The following GRM3 variants were observed in gnomAD, a reference collection of about 807,000 sequenced individuals.
GRM3 encodes the protein glutamate metabotropic receptor 3.
GRM3 carries 26 observed loss-of-function variants against 70.5 expected under a neutral mutation model. The ratio of observed to expected loss-of-function variants is 0.37; its 90% CI spans 0.27 to 0.51. The LOEUF (loss-of-function observed/expected upper bound fraction) is 0.51. Ranked by LOEUF, GRM3 falls within the 20% of genes least tolerant of loss-of-function variation. The probability of loss-of-function intolerance (pLI) is 0.93; values close to 1 mark genes in which losing one functional copy is unlikely to be tolerated. For missense variants in GRM3, 859 were observed against 1,123.8 expected (o/e 0.76, Z 3.37); for synonymous variants, 443 against 434.9 (o/e 1.02, Z -0.23).
Position 86,864,656 on chromosome 7 carries a change from A to T in GRM3, c.*301A>T, listed in dbSNP as rs1043888600. ...TAAAAAACAAAAAAAAAAAACAAAA[A>T]AAAAAAAACAAAAGAAAAAAATAAA... On this transcript the variant is annotated 3_prime_UTR_variant, in exon 6 of 6. Transcript: ENST00000361669. 4.3e-6 allele frequency: 1 copy of T among 234,072 alleles called. No homozygotes were observed. The highest frequency in any genetic ancestry group is 2.3e-5 in the African/African-American group (1 of 44,108). 14.5% of individuals were successfully genotyped at this position (234,072 alleles called of 1,614,324 possible). A position where few individuals can be genotyped will look rare whatever the true frequency, so the allele number is the denominator to read the frequency against.
At chr7:86,766,023 G>A (rs754834301) in intron 2 of GRM3, among the ~76,000 whole-genome samples, 1 of 152,094 alleles carries the variant, frequency 6.6e-6, no homozygotes, top group Non-Finnish European at 1.5e-5. Flanking sequence ...TGGCAGAGGT[G>A]CAAGAGAATG....
intron 1 of GRM3, among the ~76,000 whole-genome samples, chr7:86,649,555 T>G (rs2115763848): frequency 6.6e-6 from 1 of 152,230 alleles, no homozygotes; most frequent in South Asian, 2.1e-4. Flanking sequence ...CTTATCAGAA[T>G]TTACTTCACT....
At chr7:86,800,079 T>C (rs753759027) in intron 3 of GRM3, among the ~76,000 whole-genome samples, 84 of 152,156 alleles carry the variant, frequency 5.5e-4, no homozygotes, top group Admixed American at 9.8e-4. Context: ...AATCAAAAAG[T>C]TCTTTGAAAC....
At chr7:86,785,683 T>G (rs13231431) in intron 2 of GRM3, among the ~76,000 whole-genome samples, 7 of 130,044 alleles carry the variant, frequency 5.4e-5, no homozygotes, top group South Asian at 2.5e-4. Flanking sequence ...TAAATAGAAT[T>G]GATTTTTTTT....
At chr7:86,680,208 G>C (rs1433947090) in intron 1 of GRM3, among the ~76,000 whole-genome samples, 1 of 152,122 alleles carries the variant, frequency 6.6e-6, no homozygotes, top group Admixed American at 6.6e-5. Context: ...GAGGATTACT[G>C]AAGGGACCAT....
intron 3 of GRM3, among the ~76,000 whole-genome samples, chr7:86,793,864 G>A (rs1797484562): frequency 6.6e-6 from 1 of 151,864 alleles, no homozygotes; most frequent in Admixed American, 6.6e-5. Flanking sequence ...AATTTATTAT[G>A]AGTCATTTAT....
At chr7:86,751,190 G>C (rs997117346) in intron 1 of GRM3, among the ~76,000 whole-genome samples, 5 of 152,202 alleles carry the variant, frequency 3.3e-5, no homozygotes, top group African/African-American at 1.2e-4. Flanking sequence ...CTTAAGCTCT[G>C]CCATGCAGTT....
chr7:86,778,009 G>A (rs944539031), intron 2 of GRM3, among the ~76,000 whole-genome samples: 5 of 152,110 alleles, frequency 3.3e-5, no homozygotes, highest in Non-Finnish European at 7.4e-5. Context: ...ACATATATAA[G>A]CATTTAATTA....
At chr7:86,830,772 C>G (rs1798334705) in intron 3 of GRM3, among the ~76,000 whole-genome samples, 2 of 152,102 alleles carry the variant, frequency 1.3e-5, no homozygotes, top group Non-Finnish European at 2.9e-5. Flanking sequence ...AGTCATAACC[C>G]TAGTATCTCA....
rs1486604592 is a variant in GRM3 at position 86,689,970 on chromosome 7, G to A, written c.-141+45098G>A. 3.3e-5 allele frequency among the ~76,000 whole-genome samples: 5 copies of A among 152,160 alleles called. No individual in the cohort carries two copies. In the East Asian group the frequency reaches 9.6e-4, roughly 29 times the overall value. On this transcript the variant is annotated intron_variant, in intron 1 of 5. Coordinates refer to ENST00000361669, the MANE Select transcript of GRM3 (RefSeq NM_000840.3). ...TTCCTTCAGCAATCACTCACTAAGG[G>A]TCTTTCCTATTCTAGGATTGAGCAA...
intron 5 of GRM3, among the ~76,000 whole-genome samples, chr7:86,859,674 G>T (rs1321831467): frequency 6.6e-6 from 1 of 152,154 alleles, no homozygotes; most frequent in Non-Finnish European, 1.5e-5. Context: ...AAGTAACACT[G>T]CTAAAGTAAC....
At chr7:86,811,288 AT>A (rs902213216) in intron 3 of GRM3, among the ~76,000 whole-genome samples, 2 of 150,752 alleles carry the variant, frequency 1.3e-5, no homozygotes, top group Non-Finnish European at 3.0e-5. Flanking sequence ...TTCTTTTCAC[AT>A]TTTTTTTTCA....
chr7:86,824,492 C>T (rs1485608312), intron 3 of GRM3, among the ~76,000 whole-genome samples: 1 of 152,066 alleles, frequency 6.6e-6, no homozygotes, highest in Non-Finnish European at 1.5e-5. Context: ...GTAACATATA[C>T]AGTATGTAGT....
chr7:86,663,722 T>C (rs114894376), intron 1 of GRM3, among the ~76,000 whole-genome samples: 2,023 of 152,124 alleles, frequency 0.013, 40 homozygotes, highest in African/African-American at 0.046. Context: ...CTCAGAGCAA[T>C]GGTAAGCCAT....
chr7:86,657,921 A>C (rs977362221), intron 1 of GRM3, among the ~76,000 whole-genome samples: 3 of 152,254 alleles, frequency 2.0e-5, no homozygotes, highest in Non-Finnish European at 4.4e-5. Context: ...AGCATGCTGC[A>C]TAAAATCCTT....
intron 1 of GRM3, among the ~76,000 whole-genome samples, chr7:86,713,046 C>G (rs1390334893): frequency 6.6e-6 from 1 of 151,946 alleles, no homozygotes; most frequent in African/African-American, 2.4e-5. Context: ...TTTGAGGAAC[C>G]TCTATACTAT....
At chr7:86,717,481 ATC>A (rs1056424269) in intron 1 of GRM3, among the ~76,000 whole-genome samples, 7 of 151,992 alleles carry the variant, frequency 4.6e-5, no homozygotes, top group Non-Finnish European at 1.0e-4. Context: ...TCCTTCATCC[ATC>A]TCTCTTTACA....
At chr7:86,693,620 C>CT (rs1193959653) in intron 1 of GRM3, among the ~76,000 whole-genome samples, 10 of 152,148 alleles carry the variant, frequency 6.6e-5, no homozygotes, top group Admixed American at 1.3e-4. Context: ...AGACAACATT[C>CT]TTATGTTTTT....
intron 2 of GRM3, among the ~76,000 whole-genome samples, chr7:86,781,015 T>C (rs1019989704): frequency 1.3e-5 from 2 of 152,162 alleles, no homozygotes; most frequent in South Asian, 2.1e-4. Context: ...GTGAGTACAG[T>C]GAGTGGTCCC....
Sources: allele counts gnomAD v4.1 joint callset (sites outside exome capture counted in the v4.1 genomes callset), GRCh38; gene constraint gnomAD v4.1.1; transcripts MANE v1.5; gene names NCBI Gene and HGNC (gene_info 2026-07-23, HGNC 2026-07-21).